The following MSR1 variants were observed in gnomAD, a reference collection of about 807,000 sequenced individuals.
MSR1 encodes the protein macrophage scavenger receptor types I and II.
A neutral mutation model predicts 47.2 loss-of-function variants in MSR1; 53 were observed. That is an observed-to-expected ratio of 1.12 (90% CI 0.90 to 1.41). MSR1 has a LOEUF of 1.41. MSR1 is among the 40% of genes most tolerant of loss of function. The pLI, the probability that MSR1 is intolerant of heterozygous loss-of-function variation, is 0.00. For missense variants in MSR1, 786 were observed against 546.9 expected, an observed-to-expected ratio of 1.44 and a Z score of -4.36; for synonymous variants, 239 against 185.6, an observed-to-expected ratio of 1.29 and a Z score of -2.34.
rs745899063 is a variant in MSR1, at chr8:16,110,221, G to T, written c.1223-3C>A. On this transcript the variant is annotated splice_region_variant and splice_polypyrimidine_tract_variant and intron_variant, in intron 9 of 9. Coordinates refer to ENST00000262101, the MANE Select transcript of MSR1 (RefSeq NM_138715.3). ...ATTCAGCCATATTGGACCAGTACCT[G>T]CAATAATGAGGTATAACTGCATTAG... 3.7e-6 allele frequency: 6 copies of T among 1,612,992 alleles called. No individual in the cohort carries two copies. Among genetic ancestry groups the T allele is most frequent in the Non-Finnish European group, 5.1e-6 (6 of 1,179,386 alleles).
At chr8:16,140,609 C>A in intron 8 of MSR1, 1 of 1,089,568 alleles carries the variant, frequency 9.2e-7, no homozygotes, top group South Asian at 3.5e-5. Context: ...ATCACTCTTC[C>A]AAGTTAGGGT....
At chr8:16,191,419 T>C (rs928081985) in intron 1 of MSR1, among the ~76,000 whole-genome samples, 1 of 152,192 alleles carries the variant, frequency 6.6e-6, no homozygotes, top group Non-Finnish European at 1.5e-5. Context: ...GATCACAATA[T>C]AAATTTAAAG....
intron 5 of MSR1, among the ~76,000 whole-genome samples, chr8:16,160,738 G>C (rs965634715): frequency 3.3e-5 from 5 of 151,966 alleles, no homozygotes; most frequent in African/African-American, 9.7e-5. Context: ...AAAATGTCTA[G>C]TGTTCATTAT....
chr8:16,140,304 C>G (rs1258272010), intron 8 of MSR1: 20 of 983,750 alleles, frequency 2.0e-5, no homozygotes, highest in Non-Finnish European at 2.1e-5. Flanking sequence ...AAAAAAAAAG[C>G]CCTTGACTCA....
rs535655734 is a variant in MSR1, at chr8:16,178,008, G to A, written c.-4-16C>T. 48 of 1,585,302 alleles carry A rather than the reference G, an allele frequency of 3.0e-5. No individual in the cohort carries two copies. In the African/African-American group the frequency reaches 5.0e-4, roughly 16 times the overall value. On this transcript the variant is annotated splice_polypyrimidine_tract_variant and intron_variant, in intron 1 of 9. Coordinates refer to ENST00000262101, the MANE Select transcript of MSR1 (RefSeq NM_138715.3). ...CTCCATACTTCTATGAAACAAAATG[G>A]AAAAATATATTAATTCCACATGAAA...
At position 16,143,551 on chromosome 8, in the gene MSR1, T is replaced by TACTTACTTAATG; in HGVS notation, c.1028_1033+6dup. On this transcript the variant is annotated splice_region_variant and intron_variant, in intron 8 of 9. Coordinates refer to ENST00000262101, the MANE Select transcript of MSR1 (RefSeq NM_138715.3). ...TTCACACAGAAAACAAAATACTATA[T>TACTTACTTAATG]ACTTACTTAATGTGTTTCCACTCCC... is the stretch of plus-strand genomic sequence containing the variant. 6.2e-7 allele frequency: 1 copy of TACTTACTTAATG among 1,610,508 alleles called. No individual in the cohort carries two copies. The highest frequency in any genetic ancestry group is 1.1e-5 in the South Asian group (1 of 90,994).
At chr8:16,190,354 G>T (rs1258543995) in intron 1 of MSR1, among the ~76,000 whole-genome samples, 1 of 151,996 alleles carries the variant, frequency 6.6e-6, no homozygotes, top group Non-Finnish European at 1.5e-5. Context: ...AAATATTCCA[G>T]ACTTATATGT....
Position 16,175,234 on chromosome 8 carries a change from T to C in MSR1, c.170A>G (p.Tyr57Cys). Reference protein sequence around the residue: ...KSFKAALIALYLLVFAVLIPL... With the variant: ...KSFKAALIALCLLVFAVLIPL... The stretch of plus-strand genomic sequence containing the variant: ...GATGAGAACTGCAAACACGAGGAGG[T>C]AAAGGGCAATCAGTGCAGCTTTGAA... The change falls in exon 3 of 10, where the codon TAC (tyrosine) becomes TGC (cysteine). Residue 57 changes from tyrosine (Y) to cysteine (C), a missense_variant. Transcript: ENST00000262101. 2 of 1,614,028 alleles carry C rather than the reference T, an allele frequency of 1.2e-6. No homozygotes were observed. The highest frequency in any genetic ancestry group is 1.1e-5 in the South Asian group (1 of 91,078).
rs778092861 is a variant in MSR1 at position 16,155,093 on chromosome 8, C to A, written c.869G>T (p.Ser290Ile). ...TGGACCTGGAAATCCTCGTGGACCA[C>A]TTTCTCCAGTGGGACCTCGATCTCC... Reference protein sequence around the residue: ...EKGDRGPTGESGPRGFPGPIG... With the variant: ...EKGDRGPTGEIGPRGFPGPIG... The change falls in exon 6 of 10, where the codon AGT (serine) becomes ATT (isoleucine). Residue 290 changes from serine to isoleucine, a missense_variant. Ser to Ile is a moderately radical substitution (Grantham distance 142, BLOSUM62 -2). Coordinates refer to ENST00000262101, the MANE Select transcript of MSR1 (RefSeq NM_138715.3). The A allele has an allele frequency of 3.1e-6, 5 of 1,612,286 alleles. No individual in the cohort carries two copies. Among genetic ancestry groups the A allele is most frequent in the Non-Finnish European group, 3.4e-6 (4 of 1,178,800 alleles).
chr8:16,174,872 T>G (rs1221765273), intron 3 of MSR1, among the ~76,000 whole-genome samples: 1 of 152,142 alleles, frequency 6.6e-6, no homozygotes, highest in Non-Finnish European at 1.5e-5. Flanking sequence ...GTCACCCACA[T>G]TAGAAGGAGA....
intron 6 of MSR1, among the ~76,000 whole-genome samples, chr8:16,152,611 G>C (rs1373445058): frequency 6.6e-6 from 1 of 152,026 alleles, no homozygotes; most frequent in Non-Finnish European, 1.5e-5. Flanking sequence ...ATGCCTACAG[G>C]TCAAACTACC....
intron 6 of MSR1, among the ~76,000 whole-genome samples, chr8:16,153,801 T>A (rs1800925397): frequency 6.6e-6 from 1 of 151,836 alleles, no homozygotes; most frequent in African/African-American, 2.4e-5. Context: ...TTGACAATGG[T>A]AGTTCTGGCA....
intron 6 of MSR1, among the ~76,000 whole-genome samples, chr8:16,153,594 A>G (rs1013640181): frequency 3.3e-5 from 5 of 152,054 alleles, no homozygotes; most frequent in African/African-American, 4.8e-5. Flanking sequence ...ATTCTTTGCA[A>G]TGGTGTCTAT....
intron 1 of MSR1, among the ~76,000 whole-genome samples, chr8:16,180,162 C>T (rs1392468284): frequency 6.6e-6 from 1 of 151,946 alleles, no homozygotes; most frequent in Non-Finnish European, 1.5e-5. Flanking sequence ...TTCTCTCTCT[C>T]TCCCTTCTCT....
At chr8:16,179,828 C>T (rs1801771842) in intron 1 of MSR1, among the ~76,000 whole-genome samples, 1 of 129,270 alleles carries the variant, frequency 7.7e-6, no homozygotes, top group African/African-American at 2.9e-5. Context: ...AGTGAGCCGA[C>T]ATTGCACCGC....
rs1478499653 is a variant in MSR1 at position 16,108,153 on chromosome 8, A to G, written c.*1932T>C. 1 of 147,900 alleles carries G rather than the reference A, an allele frequency of 6.8e-6. No homozygotes were observed. The highest frequency in any genetic ancestry group is 2.5e-5 in the African/African-American group (1 of 40,158). The allele number at this position is 147,900 out of a possible 1,614,324, so 9.2% of individuals were successfully genotyped here. On this transcript the variant is annotated 3_prime_UTR_variant, in exon 10 of 10. Coordinates refer to ENST00000262101, the MANE Select transcript of MSR1 (RefSeq NM_138715.3). Reference sequence around the variant, plus strand: ...CAAGTGCCTATGGGTTGTTAATAGTACTATTAACAGTGTCATAGTACTAGT... The same window carrying G: ...CAAGTGCCTATGGGTTGTTAATAGTGCTATTAACAGTGTCATAGTACTAGT...
chr8:16,110,052 C>G lies in MSR1; in HGVS notation c.*33G>C, dbSNP rs781018143. On this transcript the variant is annotated 3_prime_UTR_variant, in exon 10 of 10. Coordinates refer to ENST00000262101, the MANE Select transcript of MSR1 (RefSeq NM_138715.3). ...AGGTAATAAAATCATTTTTGAGCAG[C>G]GATTTCATAGTTGTGAATGAAAATA... 2 of 1,611,522 alleles carry G rather than the reference C, an allele frequency of 1.2e-6. No individual in the cohort carries two copies. The highest frequency in any genetic ancestry group is 2.7e-5 in the African/African-American group (2 of 74,944).
intron 2 of MSR1, 134 bp from the exon 3 acceptor site, chr8:16,175,434 C>G: frequency 2.5e-6 from 2 of 793,772 alleles, no homozygotes; most frequent in Non-Finnish European, 4.1e-6. Flanking sequence ...TGTTCCACAT[C>G]TTTGCAGTAG....
intron 1 of MSR1, among the ~76,000 whole-genome samples, chr8:16,179,737 C>T (rs1379829299): frequency 7.1e-6 from 1 of 140,532 alleles, no homozygotes; most frequent in African/African-American, 2.7e-5. Flanking sequence ...AACAATTAGC[C>T]AGGTATGGTG....
Sources: allele counts gnomAD v4.1 joint callset (sites outside exome capture counted in the v4.1 genomes callset), GRCh38; gene constraint gnomAD v4.1.1; transcripts MANE v1.5; gene names NCBI Gene and HGNC (gene_info 2026-07-23, HGNC 2026-07-21).